SUPT3H: variants seen among roughly 807,000 people sequenced by gnomAD.
SUPT3H encodes the protein SPT3 homolog, SAGA and STAGA complex component.
Under a neutral mutation model 44.3 loss-of-function variants are expected in SUPT3H, and 44 were observed. That is an observed-to-expected ratio of 0.99 (90% CI 0.78 to 1.28). The LOEUF is 1.28. SUPT3H is among the 50% of genes most tolerant of loss of function. The probability of loss-of-function intolerance (pLI) is 0.00; values close to 1 mark genes in which losing one functional copy is unlikely to be tolerated. For synonymous variants in SUPT3H, 124 were observed against 125.6 expected (o/e 0.99, Z 0.09); for missense variants, 380 against 387.1 (o/e 0.98, Z 0.15).
At chr6:45,008,555 T>C (rs976696666) in intron 5 of SUPT3H, among the ~76,000 whole-genome samples, 2 of 151,880 alleles carry the variant, frequency 1.3e-5, no homozygotes, top group Non-Finnish European at 2.9e-5. Context: ...GGGTCTTGCT[T>C]TGTTGCCCAG....
intron 6 of SUPT3H, among the ~76,000 whole-genome samples, chr6:44,999,387 C>T (rs531707922): frequency 3.3e-5 from 5 of 152,110 alleles, no homozygotes; most frequent in South Asian, 2.1e-4. Flanking sequence ...TACACCACCA[C>T]GTGCACCTGA....
intron 2 of SUPT3H, among the ~76,000 whole-genome samples, chr6:45,337,154 C>T (rs1788736095): frequency 6.6e-6 from 1 of 151,564 alleles, no homozygotes; most frequent in Admixed American, 6.6e-5. Context: ...TTTGAACTGC[C>T]CATATGAACA....
At chr6:45,311,154 T>C (rs1584854446) in intron 2 of SUPT3H, among the ~76,000 whole-genome samples, 1 of 152,174 alleles carries the variant, frequency 6.6e-6, no homozygotes, top group Non-Finnish European at 1.5e-5. Context: ...GTCTCAGCAA[T>C]AGAACAGAAC....
chr6:45,154,604 T>C (rs780886545), intron 2 of SUPT3H, among the ~76,000 whole-genome samples: 35 of 152,200 alleles, frequency 2.3e-4, no homozygotes, highest in Non-Finnish European at 4.3e-4. Context: ...AGTGAAGTTG[T>C]GCTTCTCACC....
intron 10 of SUPT3H, among the ~76,000 whole-genome samples, chr6:44,847,470 CTT>C (rs556239264): frequency 5.9e-5 from 9 of 151,926 alleles, no homozygotes; most frequent in East Asian, 5.8e-4. Context: ...TAAATGGAAA[CTT>C]AAACAGTTAT....
chr6:45,246,771 A>G (rs1460193422), intron 2 of SUPT3H, among the ~76,000 whole-genome samples: 3 of 152,186 alleles, frequency 2.0e-5, no homozygotes, highest in African/African-American at 4.8e-5. Context: ...GGATTTACAC[A>G]TATTTTTAAC....
At chr6:44,990,677 C>G (rs1380173557) in intron 6 of SUPT3H, among the ~76,000 whole-genome samples, 1 of 152,152 alleles carries the variant, frequency 6.6e-6, no homozygotes, top group Non-Finnish European at 1.5e-5. Context: ...AAAGGCTTCA[C>G]TTCTTCATCC....
intron 6 of SUPT3H, among the ~76,000 whole-genome samples, chr6:44,983,650 C>T (rs989719743): frequency 1.3e-5 from 2 of 152,042 alleles, no homozygotes; most frequent in African/African-American, 2.4e-5. Context: ...ACATACTTGG[C>T]AGACAGGTAG....
At chr6:45,202,414 C>T (rs1284956) in intron 2 of SUPT3H, among the ~76,000 whole-genome samples, 3,095 of 151,768 alleles carry the variant, frequency 0.02, 43 homozygotes, top group Non-Finnish European at 0.033. Context: ...ACAATGAAGG[C>T]CTTACATACT....
intron 9 of SUPT3H, among the ~76,000 whole-genome samples, chr6:44,935,855 T>C (rs1173603977): frequency 6.6e-6 from 1 of 152,228 alleles, no homozygotes; most frequent in African/African-American, 2.4e-5. Flanking sequence ...GGTTTGCCCC[T>C]GGATCTCTCA....
downstream of SUPT3H, among the ~76,000 whole-genome samples, chr6:44,822,848 T>C (rs1767436815): frequency 6.6e-6 from 1 of 152,110 alleles, no homozygotes; most frequent in Non-Finnish European, 1.5e-5. Flanking sequence ...CTGGGCACGG[T>C]GGCTCACACC....
At chr6:45,068,985 A>AAT (rs1554229883) in intron 3 of SUPT3H, among the ~76,000 whole-genome samples, 1 of 151,638 alleles carries the variant, frequency 6.6e-6, no homozygotes, top group Non-Finnish European at 1.5e-5. Flanking sequence ...TGCAAAAAAA[A>AAT]AAAAATAAAA....
intron 3 of SUPT3H, among the ~76,000 whole-genome samples, chr6:45,079,556 T>C (rs979298411): frequency 2.6e-5 from 4 of 152,018 alleles, no homozygotes; most frequent in Non-Finnish European, 4.4e-5. Context: ...ATAATATTAC[T>C]GGGCTATAGT....
chr6:45,151,996 T>G (rs1469177285), intron 2 of SUPT3H, among the ~76,000 whole-genome samples: 2 of 152,174 alleles, frequency 1.3e-5, no homozygotes, highest in Non-Finnish European at 2.9e-5. Context: ...TCAACTTCTC[T>G]TCTATATCTA....
intron 2 of SUPT3H, among the ~76,000 whole-genome samples, chr6:45,293,351 A>AG (rs1780609158): frequency 6.6e-6 from 1 of 152,162 alleles, no homozygotes; most frequent in Admixed American, 6.6e-5. Flanking sequence ...CTTAGAGGAA[A>AG]GCTCATAGCC....
chr6:44,902,550 C>G (rs1359164764), intron 10 of SUPT3H, among the ~76,000 whole-genome samples: 1 of 152,112 alleles, frequency 6.6e-6, no homozygotes, highest in Non-Finnish European at 1.5e-5. Context: ...CAGAGACCTA[C>G]AAAGAGACTT....
chr6:45,127,183 G>C (rs367939884), intron 2 of SUPT3H, among the ~76,000 whole-genome samples: 3 of 152,066 alleles, frequency 2.0e-5, no homozygotes, highest in Admixed American at 6.6e-5. Flanking sequence ...GTGCAGTGGC[G>C]TGTGTCTGTA....
intron 2 of SUPT3H, among the ~76,000 whole-genome samples, chr6:45,261,531 T>A (rs981726719): frequency 6.6e-6 from 1 of 151,572 alleles, no homozygotes; most frequent in Non-Finnish European, 1.5e-5. Context: ...AAATTCAACA[T>A]CCCTTCATGT....
At chr6:44,918,118 C>T (rs1295688050) in intron 10 of SUPT3H, among the ~76,000 whole-genome samples, 1 of 152,090 alleles carries the variant, frequency 6.6e-6, no homozygotes, top group African/African-American at 2.4e-5. Context: ...TAGCTAAGAT[C>T]TCTCTTTAGA....
Sources: allele counts gnomAD v4.1 joint callset (sites outside exome capture counted in the v4.1 genomes callset), GRCh38; gene constraint gnomAD v4.1.1; transcripts MANE v1.5; gene names NCBI Gene and HGNC (gene_info 2026-07-23, HGNC 2026-07-21).